The following CYFIP1 variants were observed in gnomAD, a reference collection of about 807,000 sequenced individuals.
CYFIP1 encodes the protein cytoplasmic FMR1 interacting protein 1, also known as cytoplasmic FMR1-interacting protein 1.
In CYFIP1, 58 loss-of-function variants were observed where a neutral mutation model predicts 163.5. That is an observed-to-expected ratio of 0.35 (90% CI 0.29 to 0.44). The LOEUF is 0.44. CYFIP1 is among the 20% of genes least tolerant of loss of function. The pLI is 1.00. For missense variants in CYFIP1, 1,338 were observed against 1,653.8 expected (o/e 0.81, Z 3.31); for synonymous variants, 663 against 660.7 (o/e 1.00, Z -0.05).
chr15:22,946,944 T>A, intron 3 of CYFIP1, 59 bp downstream of exon 3: 1 of 1,425,570 alleles, frequency 7.0e-7, no homozygotes, highest in Non-Finnish European at 9.9e-7. Context: ...AAAGTATACA[T>A]CTGTCCTTCA....
rs1221526095 is a variant in CYFIP1 at position 22,963,541 on chromosome 15, TAACATAACATAACATAAGA to T, written c.-6-16269_-6-16251del. 6.6e-4 allele frequency among the ~76,000 whole-genome samples: 93 copies of T among 140,452 alleles called. 2 individuals are homozygous for T. Among genetic ancestry groups the T allele is most frequent in the Non-Finnish European group, 9.1e-4 (58 of 63,634 alleles). The allele number at this position is 140,452 out of a possible 152,430, so 92.1% of individuals were successfully genotyped here. On this transcript the variant is annotated intron_variant, in intron 1 of 30. Transcript: ENST00000617928. ...TAACATAACATAACATAACATAACATAACATAACATAACATAAGAAAGAATGAAATATCCCCCTGAAAAC... is the reference window on the plus strand; with the variant it reads ...TAACATAACATAACATAACATAACATAAGAATGAAATATCCCCCTGAAAAC...
chr15:22,964,372 CA>C (rs2062824881), intron 1 of CYFIP1, among the ~76,000 whole-genome samples: 5 of 114,628 alleles, frequency 4.4e-5, no homozygotes, highest in South Asian at 3.0e-4. Flanking sequence ...CACACACACA[CA>C]CACACACACA....
Position 22,872,911 on chromosome 15 carries a change from G to T in CYFIP1, c.3511C>A (p.Gln1171Lys), listed in dbSNP as rs548067325. 6.2e-7 allele frequency: 1 copy of T among 1,614,114 alleles called. No individual in the cohort carries two copies. The stretch of plus-strand genomic sequence containing the variant: ...AAATCCAGCACAGCAAAACGCCGCT[G>T]CTGCCCAAGAAGTACGATGATCATA... ...GCMIIVLLGQQRRFAVLDFCY... is the reference protein window; with the variant it reads ...GCMIIVLLGQKRRFAVLDFCY... The change falls in exon 30 of 31, where the codon CAG becomes AAG. Residue 1171 changes from glutamine (Q) to lysine (K), a missense_variant. Transcript: ENST00000617928.
chr15:22,926,053 C>G lies in CYFIP1; in HGVS notation c.1288G>C (p.Asp430His). 1 of 1,614,122 alleles carries G rather than the reference C, an allele frequency of 6.2e-7. No individual in the cohort carries two copies. The change falls in exon 13 of 31, where the codon GAC becomes CAC. Residue 430 changes from aspartate (D) to histidine (H), a missense_variant. Transcript: ENST00000617928. ...TDKYSNKDCP[D>H]SAEEYERATR... is the part of the protein sequence containing the mutation. Reference sequence around the variant, plus strand: ...GCACGCTCGTACTCTTCAGCGCTGTCGGGGCAGTCCTTGTTGGAGTACTTG... The same window carrying G: ...GCACGCTCGTACTCTTCAGCGCTGTGGGGGCAGTCCTTGTTGGAGTACTTG...
intron 1 of CYFIP1, among the ~76,000 whole-genome samples, chr15:22,955,228 A>T (rs1026848780): frequency 1.2e-4 from 19 of 152,190 alleles, no homozygotes; most frequent in Admixed American, 2.6e-4. Context: ...AGTGGTCCTC[A>T]CAGCTGCCTT....
At chr15:22,967,851 C>T (rs1209464529) in intron 1 of CYFIP1, among the ~76,000 whole-genome samples, 1 of 152,138 alleles carries the variant, frequency 6.6e-6, no homozygotes, top group Admixed American at 6.6e-5. Flanking sequence ...GCCTGGGCTA[C>T]ACAGTGAGAC....
At chr15:22,921,170 C>G (rs1423500671) in intron 13 of CYFIP1, among the ~76,000 whole-genome samples, 1 of 151,938 alleles carries the variant, frequency 6.6e-6, no homozygotes, top group African/African-American at 2.4e-5. Context: ...GAGTTCGAGA[C>G]CAGCCTGGCC....
chr15:22,946,685 T>A (rs2062071423), intron 3 of CYFIP1: 1 of 464,866 alleles, frequency 2.2e-6, no homozygotes, highest in East Asian at 4.8e-5. Flanking sequence ...CATTTATAAA[T>A]CTAAATCTCA....
chr15:22,957,599 G>C (rs575328337), intron 1 of CYFIP1, among the ~76,000 whole-genome samples: 2 of 152,280 alleles, frequency 1.3e-5, no homozygotes, highest in East Asian at 1.9e-4. Context: ...TCGTGTCACT[G>C]CACTCCAGCC....
intron 1 of CYFIP1, among the ~76,000 whole-genome samples, chr15:22,976,269 T>C (rs1448325645): frequency 1.3e-5 from 2 of 152,146 alleles, no homozygotes; most frequent in Non-Finnish European, 2.9e-5. Flanking sequence ...GCGATTCTCC[T>C]GCTTCAGCCT....
chr15:22,938,723 C>T (rs1248342396), intron 8 of CYFIP1, among the ~76,000 whole-genome samples: 2 of 151,544 alleles, frequency 1.3e-5, no homozygotes. Context: ...TACAACATGG[C>T]AAGATTCTCT....
Position 22,914,855 on chromosome 15 carries a change from G to A in CYFIP1, c.1856C>T (p.Ser619Leu), listed in dbSNP as rs756767407. The A allele has an allele frequency of 3.7e-6, 6 of 1,613,278 alleles. No individual in the cohort carries two copies. Among genetic ancestry groups the A allele is most frequent in the Admixed American group, 1.7e-5 (1 of 59,924 alleles). The change falls in exon 17 of 31, where the codon TCG (serine) becomes TTG (leucine). Residue 619 changes from serine to leucine, a missense_variant. Ser to Leu is a moderately radical substitution (Grantham distance 145). Coordinates refer to ENST00000617928, the MANE Select transcript of CYFIP1 (RefSeq NM_014608.6). ...SETLQQCCDLSQLWFREFFLE... is the reference protein window; with the variant it reads ...SETLQQCCDLLQLWFREFFLE... ...GAAGAACTCTCGGAACCACAGCTGC[G>A]AAAGGTCACAGCACTGCTGCAGCGT... is the stretch of plus-strand genomic sequence containing the variant.
intron 1 of CYFIP1, among the ~76,000 whole-genome samples, chr15:22,975,145 AC>A (rs2063222603): frequency 6.6e-6 from 1 of 152,178 alleles, no homozygotes; most frequent in African/African-American, 2.4e-5. Flanking sequence ...CATATAACTT[AC>A]AAAATCTCTG....
intron 21 of CYFIP1, 152 bp from the exon 22 acceptor site, chr15:22,904,057 G>GGTGA: frequency 1.4e-6 from 1 of 696,898 alleles, no homozygotes; most frequent in East Asian, 2.7e-5. Context: ...GGTGACATGA[G>GGTGA]CTTGCTTCTT....
rs956012185 is a variant in CYFIP1, at chr15:22,894,705, ACT to A, written c.2589-1730_2589-1729del. Among the ~76,000 whole-genome samples the A allele has an allele frequency of 1.7e-4, 26 of 151,506 alleles. 1 individual carries two copies. The Middle Eastern group carries it at 0.01, about 60-fold the overall frequency. ...CTTAATTTATTTTGTCTATGATATA[ACT>A]CAGATACAGAACTGTTGAAGTAATG... On this transcript the variant is annotated intron_variant, in intron 22 of 30. Transcript: ENST00000617928.
intron 23 of CYFIP1, among the ~76,000 whole-genome samples, chr15:22,887,478 G>A (rs558482540): frequency 6.6e-6 from 1 of 152,324 alleles, no homozygotes; most frequent in East Asian, 1.9e-4. Flanking sequence ...TGTTTGAAAA[G>A]AAGAACACGA....
At chr15:22,892,636 A>G in intron 23 of CYFIP1, among the ~76,000 whole-genome samples, 1 of 152,216 alleles carries the variant, frequency 6.6e-6, no homozygotes, top group Non-Finnish European at 1.5e-5. Flanking sequence ...CCTGACACCT[A>G]TCACAAGGCC....
At chr15:22,970,434 A>G (rs2063052528) in intron 1 of CYFIP1, among the ~76,000 whole-genome samples, 1 of 152,220 alleles carries the variant, frequency 6.6e-6, no homozygotes, top group Non-Finnish European at 1.5e-5. Context: ...TTTTGCAAAA[A>G]TAACCCATTT....
At chr15:22,965,567 GGTGT>G (rs150617721) in intron 1 of CYFIP1, among the ~76,000 whole-genome samples, 2,413 of 152,268 alleles carry the variant, frequency 0.016, 66 homozygotes, top group African/African-American at 0.055. Flanking sequence ...GTACCATCTG[GGTGT>G]GTGTAAGTGC....
Sources: allele counts gnomAD v4.1 joint callset (sites outside exome capture counted in the v4.1 genomes callset), GRCh38; gene constraint gnomAD v4.1.1; transcripts MANE v1.5; gene names NCBI Gene and HGNC (gene_info 2026-07-23, HGNC 2026-07-21).